Variants in EDC4 observed in about 807,000 individuals in gnomAD.
EDC4 encodes the protein enhancer of mRNA decapping 4, also known as enhancer of mRNA-decapping protein 4.
A neutral mutation model predicts 155.8 loss-of-function variants in EDC4; 64 were observed. The ratio of observed to expected loss-of-function variants is 0.41; its 90% CI spans 0.34 to 0.51. The LOEUF is 0.51. Among genes scored for constraint, EDC4 ranks in the 20% least tolerant of loss-of-function variants. The probability of loss-of-function intolerance (pLI) is 0.19; values close to 1 mark genes in which losing one functional copy is unlikely to be tolerated. For synonymous variants in EDC4, 684 were observed against 716.8 expected, an observed-to-expected ratio of 0.95 and a Z score of 0.73; for missense variants, 1,303 against 1,812.5, an observed-to-expected ratio of 0.72 and a Z score of 5.10.
At position 67,881,890 on chromosome 16, in the gene EDC4, A is replaced by G. The variant is rs757046980; in HGVS notation, c.3004+45A>G. ...CACAACATGGCATAGGGACGGGGGC[A>G]GCATTCTTGGCCTGGGAAGGAGTAC... is the stretch of plus-strand genomic sequence containing the variant. On this transcript the variant is annotated intron_variant, in intron 22 of 28. Transcript: ENST00000358933. This position sits in a 1 kb window ranked among gnomAD's most constrained non-coding sequence, Gnocchi z 5.4. 3 of 1,604,668 alleles carry G rather than the reference A, an allele frequency of 1.9e-6. No homozygotes were observed. The highest frequency in any genetic ancestry group is 1.7e-6 in the Non-Finnish European group (2 of 1,172,502).
intron 1 of EDC4, among the ~76,000 whole-genome samples, chr16:67,874,847 C>T (rs796185764): frequency 5.3e-5 from 8 of 152,184 alleles, no homozygotes; most frequent in East Asian, 1.9e-4. Flanking sequence ...TTTGGGAGGC[C>T]GAGGTGGGTG....
Position 67,881,119 on chromosome 16 carries a change from C to G in EDC4, c.2575C>G (p.His859Asp). Residue 859 changes from histidine (H) to aspartate (D), a missense_variant, in exon 19 of 29, where the codon CAC becomes GAC. Coordinates refer to ENST00000358933, the MANE Select transcript of EDC4 (RefSeq NM_014329.5). This position sits in a 1 kb window ranked among gnomAD's most constrained non-coding sequence, Gnocchi z 5.4. ...LQEKHKSLAF[H>D]RPPYHLLQQR... ...GGAAAAGCACAAGAGCCTGGCCTTCCACCGACCACCATATCACCTGCTGCA... is the reference window on the plus strand; with the variant it reads ...GGAAAAGCACAAGAGCCTGGCCTTCGACCGACCACCATATCACCTGCTGCA... 1 of 1,614,128 alleles carries G rather than the reference C, an allele frequency of 6.2e-7. No homozygotes were observed. Among genetic ancestry groups the G allele is most frequent in the Non-Finnish European group, 8.5e-7 (1 of 1,180,034 alleles).
At position 67,878,045 on chromosome 16, in the gene EDC4, C is replaced by A. The variant is rs114970116; in HGVS notation, c.895-121C>A. The A allele has an allele frequency of 1.4e-4, 212 of 1,517,132 alleles. 1 individual carries two copies. In the African/African-American group the frequency reaches 2.7e-3, roughly 19 times the overall value. 94.0% of individuals were successfully genotyped at this position (1,517,132 alleles called of 1,614,324 possible). ...TCTGGCCTTCTCTAGGAACCCTGTT[C>A]ATTTAGTCAGTCACACAAGCATGCC... On this transcript the variant is annotated intron_variant, in intron 7 of 28. Coordinates refer to ENST00000358933, the MANE Select transcript of EDC4 (RefSeq NM_014329.5). This position sits in a 1 kb window ranked among gnomAD's most constrained non-coding sequence, Gnocchi z 5.2.
chr16:67,877,956 G>A lies in EDC4; in HGVS notation c.894+111G>A. ...GCTTTACTAGCATTCTGCCCGTGGG[G>A]ACTCTGAGCTCAAATTGGCCCTCAC... is the stretch of plus-strand genomic sequence containing the variant. On this transcript the variant is annotated intron_variant, in intron 7 of 28. Coordinates refer to ENST00000358933, the MANE Select transcript of EDC4 (RefSeq NM_014329.5). This position sits in a 1 kb window ranked among gnomAD's most constrained non-coding sequence, Gnocchi z 4.9. 3 of 1,525,296 alleles carry A rather than the reference G, an allele frequency of 2.0e-6. No individual in the cohort carries two copies. Among genetic ancestry groups the A allele is most frequent in the Non-Finnish European group, 2.7e-6 (3 of 1,128,154 alleles). The allele number at this position is 1,525,296 out of a possible 1,614,324, so 94.5% of individuals were successfully genotyped here.
rs760491663 is a variant in EDC4, at chr16:67,881,048, C to T, written c.2532-28C>T. The T allele has an allele frequency of 1.2e-6, 2 of 1,614,008 alleles. No homozygotes were observed. Among genetic ancestry groups the T allele is most frequent in the Non-Finnish European group, 8.5e-7 (1 of 1,180,022 alleles). ...CAGGAGGGGCTTCAGATAGATTCAT[C>T]CATGGCTAAGTTGGCCTGTCCTCCC... On this transcript the variant is annotated intron_variant, in intron 18 of 28. Coordinates refer to ENST00000358933, the MANE Select transcript of EDC4 (RefSeq NM_014329.5). This position sits in a 1 kb window ranked among gnomAD's most constrained non-coding sequence, Gnocchi z 5.4.
In EDC4 at chr16:67,880,876, A is replaced by G. The variant is rs765581237; in HGVS notation, c.2417A>G (p.Asn806Ser). ...GGCCCTGGGGATGGAGATCGGCATA[A>G]TACCCCCTCCCTCCTGGAGGCAGCC... is the stretch of plus-strand genomic sequence containing the variant. ...DGGPGDGDRH[N>S]TPSLLEAALT... The change falls in exon 18 of 29, where the codon AAT (asparagine) becomes AGT (serine). Residue 806 changes from asparagine to serine, a missense_variant. By Grantham distance (46) the Asn-to-Ser change is conservative. This residue lies in a region of EDC4 where 391 missense variants were observed against 445.4 expected (regional missense o/e 0.88). Coordinates refer to ENST00000358933, the MANE Select transcript of EDC4 (RefSeq NM_014329.5). This position sits in a 1 kb window ranked among gnomAD's most constrained non-coding sequence, Gnocchi z 5.2. The G allele has an allele frequency of 3.7e-6, 6 of 1,613,814 alleles. No homozygotes were observed. In the East Asian group the frequency reaches 1.3e-4, roughly 36 times the overall value.
Position 67,880,293 on chromosome 16 carries a change from C to T in EDC4, c.2097+77C>T, listed in dbSNP as rs1258639430. On this transcript the variant is annotated intron_variant, in intron 17 of 28. Transcript: ENST00000358933. The surrounding 1 kb of genome is among the most constrained non-coding windows in gnomAD (Gnocchi z 5.2). ...GGGAAGGTGGGTGGTGGGCTCCTCC[C>T]AGCCCCCTGCTGCTGATCCTGCTCT... 3 of 1,512,996 alleles carry T rather than the reference C, an allele frequency of 2.0e-6. No homozygotes were observed. The East Asian group carries it at 6.8e-5, about 34-fold the overall frequency. The allele number at this position is 1,512,996 out of a possible 1,614,324, so 93.7% of individuals were successfully genotyped here. A position where few individuals can be genotyped will look rare whatever the true frequency, so the allele number is the denominator to read the frequency against.
At position 67,884,071 on chromosome 16, in the gene EDC4, C is replaced by T; in HGVS notation, c.4129C>T (p.Pro1377Ser). Residue 1377 changes from proline (P) to serine (S), a missense_variant, in exon 29 of 29, where the codon CCA (proline) becomes TCA (serine). Around this residue, in one of 5 missense-constraint regions of EDC4, gnomAD observed 527 missense variants for 757.0 expected, o/e 0.70. Coordinates refer to ENST00000358933, the MANE Select transcript of EDC4 (RefSeq NM_014329.5). The surrounding 1 kb of genome is among the most constrained non-coding windows in gnomAD (Gnocchi z 4.1). Reference sequence around the variant, plus strand: ...GCTTTTTCAGTTCCTGCAGGCTGAGCCACACAACTCACTTGGCAAAGCAGC... The same window carrying T: ...GCTTTTTCAGTTCCTGCAGGCTGAGTCACACAACTCACTTGGCAAAGCAGC... Reference protein sequence around the residue: ...QKLFQFLQAEPHNSLGKAARR... With the variant: ...QKLFQFLQAESHNSLGKAARR... 1.2e-6 allele frequency: 2 copies of T among 1,614,162 alleles called. No individual in the cohort carries two copies. Among genetic ancestry groups the T allele is most frequent in the Non-Finnish European group, 1.7e-6 (2 of 1,180,010 alleles).
At position 67,876,634 on chromosome 16, in the gene EDC4, C is replaced by G; in HGVS notation, c.351+35C>G. The G allele has an allele frequency of 1.2e-6, 2 of 1,609,936 alleles. No homozygotes were observed. Among genetic ancestry groups the G allele is most frequent in the Middle Eastern group, 1.8e-4 (1 of 5,696 alleles). On this transcript the variant is annotated intron_variant, in intron 3 of 28. Transcript: ENST00000358933. This position sits in a 1 kb window ranked among gnomAD's most constrained non-coding sequence, Gnocchi z 5.8. ...GGGATGCTGTGGCATATATAATGTACGGGGGCACACCCAGCCTTTCCAGTC... is the reference window on the plus strand; with the variant it reads ...GGGATGCTGTGGCATATATAATGTAGGGGGGCACACCCAGCCTTTCCAGTC...
Position 67,878,341 on chromosome 16 carries a change from C to T in EDC4, c.1005-19C>T. 1.2e-6 allele frequency: 2 copies of T among 1,614,226 alleles called. No individual in the cohort carries two copies. The highest frequency in any genetic ancestry group is 3.3e-5 in the Admixed American group (2 of 60,022). The stretch of plus-strand genomic sequence containing the variant: ...CCCACCCGACCACTCACTCAGGCCC[C>T]TCATCTGCCTACCTGCAGGTGTCTG... On this transcript the variant is annotated intron_variant, in intron 8 of 28. Transcript: ENST00000358933. This position sits in a 1 kb window ranked among gnomAD's most constrained non-coding sequence, Gnocchi z 5.2.
Position 67,883,371 on chromosome 16 carries a change from C to G in EDC4, c.3849+194C>G. On this transcript the variant is annotated intron_variant, in intron 27 of 28. Coordinates refer to ENST00000358933, the MANE Select transcript of EDC4 (RefSeq NM_014329.5). This position sits in a 1 kb window ranked among gnomAD's most constrained non-coding sequence, Gnocchi z 5.3. Reference sequence around the variant, plus strand: ...CTTTCTTCCCACCTAGCCCACCTTGCTTTACAACTACCCTTCTCAGGAACC... The same window carrying G: ...CTTTCTTCCCACCTAGCCCACCTTGGTTTACAACTACCCTTCTCAGGAACC... The G allele has an allele frequency of 2.3e-6, 3 of 1,281,032 alleles. No individual in the cohort carries two copies. The highest frequency in any genetic ancestry group is 3.2e-6 in the Non-Finnish European group (3 of 932,522). The allele number at this position is 1,281,032 out of a possible 1,614,324, so 79.4% of individuals were successfully genotyped here.
chr16:67,884,161 C>A lies in EDC4; in HGVS notation c.*13C>A. ...CAGCCTCCCTTAGCTGCTAAGCCTG[C>A]CTTGCCCAGGGGTGGGATGGCACTG... On this transcript the variant is annotated 3_prime_UTR_variant, in exon 29 of 29. Transcript: ENST00000358933. The surrounding 1 kb of genome is among the most constrained non-coding windows in gnomAD (Gnocchi z 4.1). The A allele has an allele frequency of 6.3e-7, 1 of 1,595,398 alleles. No individual in the cohort carries two copies.
At position 67,883,489 on chromosome 16, in the gene EDC4, C is replaced by T; in HGVS notation, c.3850-79C>T. 1 of 1,574,394 alleles carries T rather than the reference C, an allele frequency of 6.4e-7. No individual in the cohort carries two copies. The highest frequency in any genetic ancestry group is 8.6e-7 in the Non-Finnish European group (1 of 1,162,126). On this transcript the variant is annotated intron_variant, in intron 27 of 28. Coordinates refer to ENST00000358933, the MANE Select transcript of EDC4 (RefSeq NM_014329.5). This position sits in a 1 kb window ranked among gnomAD's most constrained non-coding sequence, Gnocchi z 5.3. ...ACTAGCCCACCCTGTGGTCATCCTC[C>T]CCCAGGCCACACAGTTCAGACAAGC...
chr16:67,879,882 T>TAGCAGCAGC lies in EDC4; in HGVS notation c.1866_1874dup (p.Ser627_Ser629dup), dbSNP rs747465973. ...CCTCTCCCAGCAGCAGCAGCAGCGG[T>TAGCAGCAGC]AGCAGCAGCAGCAGCAGCAGTAGCA... is the stretch of plus-strand genomic sequence containing the variant. On this transcript the variant is annotated inframe_insertion, in exon 16 of 29. Transcript: ENST00000358933. This position sits in a 1 kb window ranked among gnomAD's most constrained non-coding sequence, Gnocchi z 6.0. 9 of 1,610,252 alleles carry TAGCAGCAGC rather than the reference T, an allele frequency of 5.6e-6. No individual in the cohort carries two copies. The highest frequency in any genetic ancestry group is 1.1e-5 in the South Asian group (1 of 90,872).
chr16:67,878,973 A>C lies in EDC4; in HGVS notation c.1304A>C (p.Glu435Ala). Residue 435 changes from glutamate to alanine, a missense_variant, in exon 12 of 29, where the codon GAG (glutamate) becomes GCG (alanine). Physicochemically the swap from Glu to Ala is moderately radical, Grantham distance 107. Around this residue, in one of 5 missense-constraint regions of EDC4, gnomAD observed 235 missense variants for 367.7 expected, o/e 0.64. Transcript: ENST00000358933. The surrounding 1 kb of genome is among the most constrained non-coding windows in gnomAD (Gnocchi z 5.2). ...DVQRKVLYVM[E>A]LLQNQEEGHA... ...CCTGTGCAGGTCCTCTATGTGATGG[A>C]GCTGCTGCAAAACCAGGAGGAGGGC... 6.2e-7 allele frequency: 1 copy of C among 1,610,404 alleles called. No individual in the cohort carries two copies. Among genetic ancestry groups the C allele is most frequent in the Non-Finnish European group, 8.5e-7 (1 of 1,178,476 alleles).
rs373428578 is a variant in EDC4 at position 67,883,909 on chromosome 16, G to A, written c.4014-47G>A. 3.2e-6 allele frequency: 5 copies of A among 1,549,428 alleles called. No homozygotes were observed. The highest frequency in any genetic ancestry group is 8.7e-7 in the Non-Finnish European group (1 of 1,146,428). ...CTCGGTGCCACCAGGGGGCGCTCCCGTCTGCTGGCACCCACCTGTAGCCTG... is the reference window on the plus strand; with the variant it reads ...CTCGGTGCCACCAGGGGGCGCTCCCATCTGCTGGCACCCACCTGTAGCCTG... On this transcript the variant is annotated intron_variant, in intron 28 of 28. Coordinates refer to ENST00000358933, the MANE Select transcript of EDC4 (RefSeq NM_014329.5). The surrounding 1 kb of genome is among the most constrained non-coding windows in gnomAD (Gnocchi z 5.3).
chr16:67,880,463 C>A lies in EDC4; in HGVS notation c.2098-94C>A. The A allele has an allele frequency of 6.7e-7, 1 of 1,493,722 alleles. No homozygotes were observed. Among genetic ancestry groups the A allele is most frequent in the Non-Finnish European group, 9.1e-7 (1 of 1,099,126 alleles). 92.5% of individuals were successfully genotyped at this position (1,493,722 alleles called of 1,614,324 possible). On this transcript the variant is annotated intron_variant, in intron 17 of 28. Coordinates refer to ENST00000358933, the MANE Select transcript of EDC4 (RefSeq NM_014329.5). The surrounding 1 kb of genome is among the most constrained non-coding windows in gnomAD (Gnocchi z 5.2). ...TATCCCCACTTCCCTGCTGCCCTGT[C>A]TCTCATTACTGCTAATACTAATGCC... is the stretch of plus-strand genomic sequence containing the variant.
In EDC4 at chr16:67,879,862, C is replaced by T. The variant is rs1326382123; in HGVS notation, c.1834C>T (p.Pro612Ser). The T allele has an allele frequency of 6.2e-7, 1 of 1,613,384 alleles. No homozygotes were observed. The highest frequency in any genetic ancestry group is 2.2e-5 in the East Asian group (1 of 44,902). ...TGCATCTCCCCAGATCACTGCCTCT[C>T]CCAGCAGCAGCAGCAGCGGTAGCAG... Reference protein sequence around the residue: ...SASLQQITASPSSSSSGSSSS... With the variant: ...SASLQQITASSSSSSSGSSSS... The change falls in exon 16 of 29, where the codon CCC (proline) becomes TCC (serine). Residue 612 changes from proline to serine, a missense_variant. By Grantham distance (74) the Pro-to-Ser change is moderately conservative (BLOSUM62 -1). Around this residue, in one of 5 missense-constraint regions of EDC4, gnomAD observed 391 missense variants for 445.4 expected, o/e 0.88. Transcript: ENST00000358933. The surrounding 1 kb of genome is among the most constrained non-coding windows in gnomAD (Gnocchi z 6.0).
Position 67,881,746 on chromosome 16 carries a change from G to C in EDC4, c.2905G>C (p.Glu969Gln), listed in dbSNP as rs774723467. ...GCTGGCAGAGCTGCGGCACAGCCAG[G>C]AAGAGCTGCTGCAGCGTCTGTGTAC... ...RELAELRHSQ[E>Q]ELLQRLCTQL... Residue 969 changes from glutamate (E) to glutamine (Q), a missense_variant, in exon 22 of 29, where the codon GAA becomes CAA. Around this residue, in one of 5 missense-constraint regions of EDC4, gnomAD observed 527 missense variants for 757.0 expected, o/e 0.70. Coordinates refer to ENST00000358933, the MANE Select transcript of EDC4 (RefSeq NM_014329.5). The surrounding 1 kb of genome is among the most constrained non-coding windows in gnomAD (Gnocchi z 5.4). The C allele has an allele frequency of 1.2e-6, 2 of 1,614,124 alleles. No individual in the cohort carries two copies. Among genetic ancestry groups the C allele is most frequent in the Admixed American group, 3.3e-5 (2 of 60,024 alleles).
Sources: gnomAD v4.1 joint callset for allele counts (sites outside exome capture counted in the v4.1 genomes callset) on GRCh38, gnomAD v4.1.1 for gene constraint, gnomAD v4.1.1 regional missense constraint, Gnocchi (gnomAD v3.1) non-coding constraint, MANE v1.5 for transcripts, NCBI Gene and HGNC (gene_info 2026-07-23, HGNC 2026-07-21) for gene names.